Variants in CLMN observed in about 807,000 individuals in gnomAD.
The protein encoded by CLMN is calmin (calponin-like, transmembrane).
Under a neutral mutation model 92.7 loss-of-function variants are expected in CLMN, and 57 were observed. That is an observed-to-expected ratio of 0.61 (90% CI 0.50 to 0.77). The LOEUF (loss-of-function observed/expected upper bound fraction) is 0.77, where lower values mean the gene tolerates loss of function less well. Ranked by LOEUF, CLMN falls within the 30% of genes least tolerant of loss-of-function variation. The pLI is 0.00. For missense variants in CLMN, 1,158 were observed against 1,237.5 expected, an observed-to-expected ratio of 0.94 and a Z score of 0.96; for synonymous variants, 466 against 470.6, an observed-to-expected ratio of 0.99 and a Z score of 0.13.
intron 8 of CLMN, 41 bp from the exon 9 acceptor site, chr14:95,204,504 A>G (rs1279398324): frequency 6.7e-7 from 1 of 1,501,140 alleles, no homozygotes; most frequent in South Asian, 1.3e-5. Context: ...AAAAAAACAA[A>G]AGAACAACAA....
chr14:95,300,367 A>G (rs1900994868), intron 1 of CLMN, among the ~76,000 whole-genome samples: 1 of 152,238 alleles, frequency 6.6e-6, no homozygotes, highest in Non-Finnish European at 1.5e-5. Context: ...CTGTTTTAAA[A>G]GAAGCAAATC....
At chr14:95,245,216 A>ATATATAT (rs1898459830) in intron 1 of CLMN, among the ~76,000 whole-genome samples, 4 of 35,928 alleles carry the variant, frequency 1.1e-4, no homozygotes, top group African/African-American at 7.2e-4. Context: ...TATTATATAT[A>ATATATAT]TATATATATT....
chr14:95,193,128 T>G, intron 12 of CLMN: 4 of 549,392 alleles, frequency 7.3e-6, no homozygotes, highest in Non-Finnish European at 9.6e-6. Flanking sequence ...TTCAAATCTG[T>G]GGCGAGTAAA....
intron 1 of CLMN, among the ~76,000 whole-genome samples, chr14:95,318,184 C>T (rs1435197409): frequency 6.6e-6 from 1 of 152,158 alleles, no homozygotes; most frequent in Non-Finnish European, 1.5e-5. Context: ...TCAATGGTTG[C>T]CTAAGACAGA....
At position 95,194,648 on chromosome 14, in the gene CLMN, C is replaced by G. The variant is rs764284597; in HGVS notation, c.2709-52G>C. The G allele has an allele frequency of 6.4e-7, 1 of 1,560,268 alleles. No individual in the cohort carries two copies. The highest frequency in any genetic ancestry group is 8.8e-7 in the Non-Finnish European group (1 of 1,131,102). On this transcript the variant is annotated intron_variant, in intron 10 of 12. Coordinates refer to ENST00000298912, the MANE Select transcript of CLMN (RefSeq NM_024734.4). This position sits in a 1 kb window ranked among gnomAD's most constrained non-coding sequence, Gnocchi z 4.0. ...TGGTACCACCTGGAGCTCTTCATGG[C>G]TCAGTTGTACGGTCACCCCCATCCT...
In CLMN at chr14:95,319,739, A is replaced by T. The variant is rs748472674; in HGVS notation, c.54T>A (p.Ile18=). ...WFQREELIGQ[I]SDIRVQNLQV... ...GCAGGTTCTGCACTCGGATGTCGCT[A>T]ATCTGCCCGATGAGCTCCTCGCGTT... Residue 18 remains isoleucine (I), a synonymous_variant, in exon 1 of 13, where the codon ATT becomes ATA. Coordinates refer to ENST00000298912, the MANE Select transcript of CLMN (RefSeq NM_024734.4). The T allele has an allele frequency of 6.3e-7, 1 of 1,598,210 alleles. No individual in the cohort carries two copies. Among genetic ancestry groups the T allele is most frequent in the Non-Finnish European group, 8.5e-7 (1 of 1,176,268 alleles).
At chr14:95,308,697 T>A (rs569102943) in intron 1 of CLMN, among the ~76,000 whole-genome samples, 12 of 115,624 alleles carry the variant, frequency 1.0e-4, no homozygotes, top group Non-Finnish European at 1.7e-4. Context: ...CTATAACCAA[T>A]AAAGGCAGTC....
chr14:95,260,974 T>A (rs533778676), intron 1 of CLMN, among the ~76,000 whole-genome samples: 5 of 152,232 alleles, frequency 3.3e-5, no homozygotes, highest in Admixed American at 2.6e-4. Context: ...TTGACTCTTG[T>A]TTCATGTGTG....
intron 9 of CLMN, among the ~76,000 whole-genome samples, chr14:95,199,991 TA>T (rs143201552): frequency 0.12 from 18,525 of 152,042 alleles, 1,593 homozygotes; most frequent in East Asian, 0.43. Flanking sequence ...CAGGAAGTGA[TA>T]AGGTGAGACT....
chr14:95,245,587 G>T (rs142592217), intron 1 of CLMN, among the ~76,000 whole-genome samples: 66 of 149,354 alleles, frequency 4.4e-4, no homozygotes, highest in Middle Eastern at 3.5e-3. Flanking sequence ...TGGATGGGTG[G>T]GTGGATGGAT....
At chr14:95,303,066 G>A (rs917075215) in intron 1 of CLMN, among the ~76,000 whole-genome samples, 2 of 152,224 alleles carry the variant, frequency 1.3e-5, no homozygotes, top group African/African-American at 4.8e-5. Flanking sequence ...ATGCAAAAAT[G>A]TAGAAGATCA....
In CLMN at chr14:95,294,585, C is replaced by G. The variant is rs542990084; in HGVS notation, c.82+25126G>C. Among the ~76,000 whole-genome samples the G allele has an allele frequency of 5.7e-4, 87 of 152,360 alleles. 1 individual carries two copies. The highest frequency in any genetic ancestry group is 2.0e-3 in the African/African-American group (85 of 41,590). On this transcript the variant is annotated intron_variant, in intron 1 of 12. Transcript: ENST00000298912. This position sits in a 1 kb window ranked among gnomAD's most constrained non-coding sequence, Gnocchi z 4.2. ...TGATCTTGGGAAGTTACCTCCTGGTCTCTACCTTGTAGAAAAGGGCACTTA... is the reference window on the plus strand; with the variant it reads ...TGATCTTGGGAAGTTACCTCCTGGTGTCTACCTTGTAGAAAAGGGCACTTA...
At chr14:95,255,493 T>G (rs1003382537) in intron 1 of CLMN, among the ~76,000 whole-genome samples, 2 of 152,178 alleles carry the variant, frequency 1.3e-5, no homozygotes, top group African/African-American at 4.8e-5. Context: ...TACATATGTA[T>G]GTGCAGGAAA....
chr14:95,308,340 T>C (rs2140792247), intron 1 of CLMN, among the ~76,000 whole-genome samples: 1 of 152,336 alleles, frequency 6.6e-6, no homozygotes, highest in Non-Finnish European at 1.5e-5. Flanking sequence ...TCCAGTTTTC[T>C]TTCTGGGTTC....
intron 1 of CLMN, among the ~76,000 whole-genome samples, chr14:95,279,714 C>A (rs868147815): frequency 6.6e-6 from 1 of 152,152 alleles, no homozygotes; most frequent in Non-Finnish European, 1.5e-5. Context: ...ACCCAGGAGG[C>A]GGAGCTTGCA....
At chr14:95,237,037 A>G (rs1346776555) in intron 1 of CLMN, among the ~76,000 whole-genome samples, 1 of 152,236 alleles carries the variant, frequency 6.6e-6, no homozygotes, top group Non-Finnish European at 1.5e-5. Context: ...AGACCTTGGC[A>G]CATCGTAAGT....
chr14:95,281,802 C>T (rs955169582), intron 1 of CLMN, among the ~76,000 whole-genome samples: 2 of 152,160 alleles, frequency 1.3e-5, no homozygotes, highest in East Asian at 1.9e-4. Flanking sequence ...GCTTACTCAA[C>T]GTTTTCTTAA....
At chr14:95,254,074 C>T (rs1595062744) in intron 1 of CLMN, among the ~76,000 whole-genome samples, 1 of 152,294 alleles carries the variant, frequency 6.6e-6, no homozygotes, top group East Asian at 1.9e-4. Flanking sequence ...GGGGTCCCCT[C>T]CTAGCAGCAC....
chr14:95,210,935 G>A, intron 6 of CLMN, 56 bp from the exon 7 acceptor site: 1 of 1,470,064 alleles, frequency 6.8e-7, no homozygotes, highest in Non-Finnish European at 9.0e-7. Context: ...AGACTCAAAG[G>A]TGCAAGGTCA....
Sources: allele counts gnomAD v4.1 joint callset (sites outside exome capture counted in the v4.1 genomes callset), GRCh38; gene constraint gnomAD v4.1.1; non-coding constraint Gnocchi (gnomAD v3.1); transcripts MANE v1.5; gene names NCBI Gene and HGNC (gene_info 2026-07-23, HGNC 2026-07-21).